The following RBFOX1 variants were observed in gnomAD, a reference collection of about 807,000 sequenced individuals.
RBFOX1 encodes the protein RNA binding protein fox-1 homolog 1.
In RBFOX1, 8 loss-of-function variants were observed where a neutral mutation model predicts 57.7. The observed-to-expected ratio is 0.14, with a 90% CI of 0.08 to 0.25. RBFOX1 has a LOEUF of 0.25. RBFOX1 is among the 10% of genes least tolerant of loss of function. The probability of loss-of-function intolerance (pLI) is 1.00; values close to 1 mark genes in which losing one functional copy is unlikely to be tolerated. For missense variants in RBFOX1, 611 were observed against 548.5 expected (o/e 1.11, Z -1.14); for synonymous variants, 326 against 222.4 (o/e 1.47, Z -4.15).
In RBFOX1 at chr16:5,339,470, GTTTTTTTTTTTTTTT is replaced by G. The variant is rs560472298; in HGVS notation, c.219+99381_219+99395del. Among the ~76,000 whole-genome samples, 11 of 40,888 alleles carry G rather than the reference GTTTTTTTTTTTTTTT, an allele frequency of 2.7e-4. No homozygotes were observed. In the East Asian group the frequency reaches 5.1e-3, roughly 19 times the overall value. The allele number at this position is 40,888 out of a possible 152,430, so 26.8% of individuals were successfully genotyped here. A position where few individuals can be genotyped will look rare whatever the true frequency, so the allele number is the denominator to read the frequency against. ...AAAAGCTAGAAGCTGCTTTTTCCGT[GTTTTTTTTTTTTTTT>G]TTTTTTTTTTTTTTTGAGATGGAGT... On this transcript the variant is annotated intron_variant, in intron 1 of 2. Transcript: ENST00000585867.
rs538124878 is a variant in RBFOX1 at position 5,657,863 on chromosome 16, C to G, written c.318+58902C>G. On this transcript the variant is annotated intron_variant, in intron 3 of 19. Coordinates refer to the RBFOX1 transcript ENST00000641259. Reference sequence around the variant, plus strand: ...TCTGTTGCTTCAGACCCCCAGGTAGCTGGGATTACAGGCATCCACAACAAC... The same window carrying G: ...TCTGTTGCTTCAGACCCCCAGGTAGGTGGGATTACAGGCATCCACAACAAC... Among the ~76,000 whole-genome samples, 5 of 151,352 alleles carry G rather than the reference C, an allele frequency of 3.3e-5. No individual in the cohort carries two copies. In the South Asian group the frequency reaches 6.3e-4, roughly 19 times the overall value.
At chr16:5,361,156 C>T (rs1226465941) in intron 1 of RBFOX1, among the ~76,000 whole-genome samples, 1 of 152,160 alleles carries the variant, frequency 6.6e-6, no homozygotes, top group African/African-American at 2.4e-5. Context: ...AAAGGCAAAG[C>T]TGGGATTTGA....
At chr16:5,944,134 G>C (rs1048730970) in intron 4 of RBFOX1, among the ~76,000 whole-genome samples, 15 of 152,162 alleles carry the variant, frequency 9.9e-5, no homozygotes, top group Admixed American at 4.6e-4. Flanking sequence ...ACAAGCCTTA[G>C]TTCATATCCT....
intron 1 of RBFOX1, among the ~76,000 whole-genome samples, chr16:5,378,552 A>G (rs942154133): frequency 2.0e-5 from 3 of 151,640 alleles, no homozygotes; most frequent in Admixed American, 6.5e-5. Flanking sequence ...CCACTAGGGC[A>G]GCAAGTTGTC....
intron 1 of RBFOX1, among the ~76,000 whole-genome samples, chr16:5,460,437 T>C (rs555142613): frequency 6.6e-6 from 1 of 152,204 alleles, no homozygotes; most frequent in Non-Finnish European, 1.5e-5. Flanking sequence ...TTCCTTTGAA[T>C]AAGGAGAGGG....
At chr16:6,696,432 A>G (rs573755799) in intron 3 of RBFOX1, among the ~76,000 whole-genome samples, 15 of 152,256 alleles carry the variant, frequency 9.9e-5, no homozygotes, top group African/African-American at 3.4e-4. Flanking sequence ...ATGCTTTTTC[A>G]TCCCCTCTGA....
At chr16:5,332,083 G>C (rs191886683) in intron 1 of RBFOX1, among the ~76,000 whole-genome samples, 3 of 152,028 alleles carry the variant, frequency 2.0e-5, no homozygotes, top group South Asian at 4.1e-4. Context: ...GGATCTTTTC[G>C]GTTTCTTGTT....
chr16:6,225,577 T>C (rs2097410427), intron 1 of RBFOX1, among the ~76,000 whole-genome samples: 2 of 152,200 alleles, frequency 1.3e-5, no homozygotes, highest in Admixed American at 1.3e-4. Context: ...CAAATGAGGA[T>C]AGTGAAATTT....
chr16:7,465,187 C>G (rs768910416), intron 4 of RBFOX1, among the ~76,000 whole-genome samples: 8 of 152,160 alleles, frequency 5.3e-5, no homozygotes, highest in Admixed American at 6.5e-5. Context: ...ACATTCTTTA[C>G]AAACCTAGCT....
At chr16:7,434,212 C>A (rs1433080552) in intron 4 of RBFOX1, among the ~76,000 whole-genome samples, 2 of 152,074 alleles carry the variant, frequency 1.3e-5, no homozygotes, top group African/African-American at 4.8e-5. Context: ...TGGCTCACGG[C>A]TATAATCCCC....
intron 4 of RBFOX1, among the ~76,000 whole-genome samples, chr16:7,077,063 G>T (rs1165783190): frequency 6.6e-6 from 1 of 152,220 alleles, no homozygotes; most frequent in Admixed American, 6.5e-5. Context: ...CGAGACCTCA[G>T]AGGTTTTCTT....
At chr16:7,220,665 C>T (rs1337473729) in intron 4 of RBFOX1, among the ~76,000 whole-genome samples, 2 of 152,108 alleles carry the variant, frequency 1.3e-5, no homozygotes, top group Non-Finnish European at 2.9e-5. Flanking sequence ...CTTCTTTGTA[C>T]ATGGGGGGAT....
At chr16:6,525,977 G>A (rs1193047782) in intron 2 of RBFOX1, among the ~76,000 whole-genome samples, 1 of 152,120 alleles carries the variant, frequency 6.6e-6, no homozygotes, top group Non-Finnish European at 1.5e-5. Context: ...GGAAGTAAAG[G>A]TCAAGTAAAA....
At chr16:6,526,906 C>A (rs73530501) in intron 2 of RBFOX1, among the ~76,000 whole-genome samples, 5,089 of 147,346 alleles carry the variant, frequency 0.035, 332 homozygotes, top group African/African-American at 0.12. Context: ...TTATTACTAT[C>A]CCCATGGTAC....
At chr16:6,206,537 A>G (rs145452232) in intron 1 of RBFOX1, among the ~76,000 whole-genome samples, 286 of 152,312 alleles carry the variant, frequency 1.9e-3, no homozygotes, top group African/African-American at 3.8e-3. Context: ...CCTTGTCCCT[A>G]TATCTCCAGG....
chr16:6,620,030 G>A (rs1028154316), intron 2 of RBFOX1, among the ~76,000 whole-genome samples: 3 of 152,128 alleles, frequency 2.0e-5, no homozygotes, highest in African/African-American at 7.2e-5. Context: ...TCCTGCAAAG[G>A]ACATAATCTT....
At chr16:6,541,386 G>A (rs960895119) in intron 2 of RBFOX1, among the ~76,000 whole-genome samples, 2 of 152,190 alleles carry the variant, frequency 1.3e-5, no homozygotes, top group South Asian at 2.1e-4. Flanking sequence ...CTAAACAGAG[G>A]TTATGGCAGT....
At chr16:5,929,717 T>G (rs1055011743) in intron 4 of RBFOX1, among the ~76,000 whole-genome samples, 1 of 152,166 alleles carries the variant, frequency 6.6e-6, no homozygotes, top group African/African-American at 2.4e-5. Flanking sequence ...GTTTTTTTTA[T>G]GTTAAAATGG....
intron 3 of RBFOX1, among the ~76,000 whole-genome samples, chr16:6,818,549 T>C (rs1567389648): frequency 6.6e-6 from 1 of 152,234 alleles, no homozygotes; most frequent in Non-Finnish European, 1.5e-5. Context: ...AGATTTAAAC[T>C]CTAGTTCCCT....
Sources: gnomAD v4.1 joint callset for allele counts (sites outside exome capture counted in the v4.1 genomes callset) on GRCh38, gnomAD v4.1.1 for gene constraint, MANE v1.5 for transcripts, NCBI Gene and HGNC (gene_info 2026-07-23, HGNC 2026-07-21) for gene names.